Variants in ZNF385D observed in about 807,000 individuals in gnomAD.
ZNF385D encodes zinc finger protein 659.
ZNF385D carries 15 observed loss-of-function variants against 35.8 expected under a neutral mutation model. That is an observed-to-expected ratio of 0.42 (90% confidence interval 0.28 to 0.64). The LOEUF (loss-of-function observed/expected upper bound fraction) is 0.64. Among genes scored for constraint, ZNF385D ranks in the 30% least tolerant of loss-of-function variants. ZNF385D has a pLI of 0.23. For synonymous variants in ZNF385D, 212 were observed against 186.8 expected (o/e 1.13, Z -1.10); for missense variants, 474 against 494.6 (o/e 0.96, Z 0.39).
chr3:22,329,377 C>A (rs951934094), intron 2 of ZNF385D, among the ~76,000 whole-genome samples: 2 of 152,208 alleles, frequency 1.3e-5, no homozygotes, highest in African/African-American at 4.8e-5. Flanking sequence ...GAGGAATCTA[C>A]ATCAGTTCAA....
intron 1 of ZNF385D, among the ~76,000 whole-genome samples, chr3:21,724,495 A>ACC (rs1559554495): frequency 0.013 from 1,090 of 83,042 alleles, 20 homozygotes; most frequent in Admixed American, 0.029. Context: ...AAAAAAAAAA[A>ACC]AAAAAAAAAA....
chr3:21,897,985 G>A (rs114783602), intron 3 of ZNF385D, among the ~76,000 whole-genome samples: 1 of 151,976 alleles, frequency 6.6e-6, no homozygotes, highest in African/African-American at 2.4e-5. Flanking sequence ...AAAACTTATT[G>A]TTCCTCTTTA....
chr3:22,138,400 T>C (rs1204769982), intron 3 of ZNF385D, among the ~76,000 whole-genome samples: 4 of 152,176 alleles, frequency 2.6e-5, no homozygotes, highest in African/African-American at 9.7e-5. Context: ...GGCATCACAC[T>C]ACCTGACTTC....
At chr3:22,189,058 G>C (rs17010987) in intron 2 of ZNF385D, among the ~76,000 whole-genome samples, 3,364 of 151,968 alleles carry the variant, frequency 0.022, 120 homozygotes, top group African/African-American at 0.076. Context: ...CTCTTCATTA[G>C]GTGTACAATC....
chr3:21,515,710 A>C (rs977742865), intron 3 of ZNF385D, among the ~76,000 whole-genome samples: 1 of 152,212 alleles, frequency 6.6e-6, no homozygotes, highest in African/African-American at 2.4e-5. Flanking sequence ...ATAGTTTAAC[A>C]TTGAGGCAAG....
rs111894734 is a variant in ZNF385D at position 22,106,831 on chromosome 3, C to A, written c.325+61986G>T. ...TGGATCAGTATCAGCATAGGTTAGA[C>A]TATCAACCACCACGATCCCTTAACT... On this transcript the variant is annotated intron_variant, in intron 3 of 5. Coordinates refer to the ZNF385D transcript ENST00000494108. Among the ~76,000 whole-genome samples, 8 of 152,240 alleles carry A rather than the reference C, an allele frequency of 5.3e-5. 1 individual carries two copies. The highest frequency in any genetic ancestry group is 1.9e-4 in the African/African-American group (8 of 41,568).
chr3:22,261,433 T>C (rs1045825796), intron 2 of ZNF385D, among the ~76,000 whole-genome samples: 1 of 152,022 alleles, frequency 6.6e-6, no homozygotes, highest in Non-Finnish European at 1.5e-5. Flanking sequence ...TTAAAGCTAA[T>C]TTCACAGGAA....
intron 3 of ZNF385D, among the ~76,000 whole-genome samples, chr3:21,887,405 G>T (rs1475772856): frequency 1.3e-5 from 2 of 152,144 alleles, no homozygotes; most frequent in Non-Finnish European, 2.9e-5. Flanking sequence ...TGTAGATGGA[G>T]AATTTAAAAG....
intron 2 of ZNF385D, among the ~76,000 whole-genome samples, chr3:22,308,770 A>C: frequency 6.6e-6 from 1 of 152,168 alleles, no homozygotes; most frequent in East Asian, 1.9e-4. Context: ...TGGAGATTTT[A>C]AACAATGACT....
chr3:21,938,495 A>G (rs1241620252), intron 3 of ZNF385D, among the ~76,000 whole-genome samples: 4 of 152,216 alleles, frequency 2.6e-5, no homozygotes, highest in Non-Finnish European at 5.9e-5. Context: ...CCTTGTTCAG[A>G]CAATGACTCC....
intron 3 of ZNF385D, among the ~76,000 whole-genome samples, chr3:21,860,799 G>A (rs1697006763): frequency 6.6e-6 from 1 of 152,138 alleles, no homozygotes; most frequent in Non-Finnish European, 1.5e-5. Flanking sequence ...GCCAGGATAA[G>A]GAATCTGAAC....
At chr3:22,318,719 C>T (rs1384123067) in intron 2 of ZNF385D, among the ~76,000 whole-genome samples, 1 of 151,896 alleles carries the variant, frequency 6.6e-6, no homozygotes, top group African/African-American at 2.4e-5. Flanking sequence ...CCGGAAATCA[C>T]AAATTTTTAA....
chr3:21,886,081 G>C (rs1698532677), intron 3 of ZNF385D, among the ~76,000 whole-genome samples: 1 of 152,100 alleles, frequency 6.6e-6, no homozygotes, highest in Admixed American at 6.6e-5. Context: ...GCCCAGTCAA[G>C]TTGGCACATA....
intron 2 of ZNF385D, among the ~76,000 whole-genome samples, chr3:22,278,435 G>C (rs961272667): frequency 6.6e-6 from 1 of 152,036 alleles, no homozygotes; most frequent in African/African-American, 2.4e-5. Flanking sequence ...GTCATTTTCT[G>C]TTTGCCACTA....
chr3:21,576,825 G>C (rs1292754998), intron 2 of ZNF385D, among the ~76,000 whole-genome samples: 1 of 152,098 alleles, frequency 6.6e-6, no homozygotes, highest in Non-Finnish European at 1.5e-5. Flanking sequence ...CTATTAATGA[G>C]CTTTCTTTTT....
intron 2 of ZNF385D, among the ~76,000 whole-genome samples, chr3:22,236,498 T>C (rs959184253): frequency 1.3e-5 from 2 of 152,144 alleles, no homozygotes; most frequent in Non-Finnish European, 2.9e-5. Flanking sequence ...CATGCATGAA[T>C]TGAAAATTTT....
In ZNF385D at chr3:22,174,939, T is replaced by G. The variant is rs146701564; in HGVS notation, c.107-5904A>C. The stretch of plus-strand genomic sequence containing the variant: ...ATTTAATGTCTAAATATTCCCCAAA[T>G]TTTACAAAAGTTTTGCTCAAAAAAA... On this transcript the variant is annotated intron_variant, in intron 2 of 5. Transcript: ENST00000494108. Among the ~76,000 whole-genome samples the G allele has an allele frequency of 3.8e-3, 577 of 152,180 alleles. 6 individuals carry two copies. Among genetic ancestry groups the G allele is most frequent in the African/African-American group, 0.013 (546 of 41,566 alleles).
intron 3 of ZNF385D, among the ~76,000 whole-genome samples, chr3:22,079,355 T>A (rs1700625219): frequency 6.6e-6 from 1 of 151,900 alleles, no homozygotes. Flanking sequence ...AATAAATAAA[T>A]TACATGATTA....
At chr3:22,318,129 A>T (rs909404074) in intron 2 of ZNF385D, among the ~76,000 whole-genome samples, 12 of 152,142 alleles carry the variant, frequency 7.9e-5, no homozygotes, top group African/African-American at 2.9e-4. Context: ...TTGGCTGTTA[A>T]TATTTTTTAA....
Sources: allele counts gnomAD v4.1 joint callset (sites outside exome capture counted in the v4.1 genomes callset), GRCh38; gene constraint gnomAD v4.1.1; transcripts MANE v1.5; gene names NCBI Gene and HGNC (gene_info 2026-07-23, HGNC 2026-07-21).